The following ATP9A variants were observed in gnomAD, a reference collection of about 807,000 sequenced individuals.
The protein encoded by ATP9A is ATPase phospholipid transporting 9A, also known as probable phospholipid-transporting ATPase IIA.
Under a neutral mutation model 144.1 loss-of-function variants are expected in ATP9A, and 52 were observed. The ratio of observed to expected loss-of-function variants is 0.36; its 90% CI spans 0.29 to 0.45. ATP9A has a LOEUF of 0.45. Among genes scored for constraint, ATP9A ranks in the 20% least tolerant of loss-of-function variants. The probability of loss-of-function intolerance (pLI) is 1.00; values close to 1 mark genes in which losing one functional copy is unlikely to be tolerated. For missense variants in ATP9A, 947 were observed against 1,392.7 expected, an observed-to-expected ratio of 0.68 and a Z score of 5.09; for synonymous variants, 582 against 557.4, an observed-to-expected ratio of 1.04 and a Z score of -0.62.
chr20:51,612,558 G>A (rs1266328220), intron 23 of ATP9A, among the ~76,000 whole-genome samples: 1 of 152,146 alleles, frequency 6.6e-6, no homozygotes, highest in Admixed American at 6.5e-5. Flanking sequence ...CCAAGTAGCT[G>A]GGATTATAGG....
intron 1 of ATP9A, among the ~76,000 whole-genome samples, chr20:51,752,112 A>G (rs2077835098): frequency 2.6e-5 from 4 of 152,180 alleles, no homozygotes; most frequent in Admixed American, 2.6e-4. Context: ...TGGCTCCTAC[A>G]GAGTGAATGG....
chr20:51,763,976 T>G (rs985555268), intron 1 of ATP9A, among the ~76,000 whole-genome samples: 31 of 152,176 alleles, frequency 2.0e-4, no homozygotes, highest in African/African-American at 7.5e-4. Context: ...TCTAAATTTC[T>G]CATAAAAGGC....
At chr20:51,679,386 A>G (rs2077490807) in intron 9 of ATP9A, among the ~76,000 whole-genome samples, 1 of 152,188 alleles carries the variant, frequency 6.6e-6, no homozygotes, top group African/African-American at 2.4e-5. Flanking sequence ...AGATCTGATG[A>G]CACTGAGTCC....
intron 1 of ATP9A, among the ~76,000 whole-genome samples, chr20:51,744,307 A>G (rs1020854284): frequency 5.9e-5 from 9 of 152,100 alleles, no homozygotes; most frequent in Admixed American, 5.9e-4. Context: ...CTGGGACTAC[A>G]GGCCTGCACC....
At chr20:51,677,100 AT>A (rs929268275) in intron 9 of ATP9A, among the ~76,000 whole-genome samples, 2 of 150,376 alleles carry the variant, frequency 1.3e-5, no homozygotes, top group African/African-American at 4.9e-5. Flanking sequence ...TGCTTGGCTA[AT>A]TTTTGTTTTT....
chr20:51,753,044 G>A (rs931760029), intron 1 of ATP9A, among the ~76,000 whole-genome samples: 1 of 151,930 alleles, frequency 6.6e-6, no homozygotes, highest in South Asian at 2.1e-4. Context: ...AGAAGTTGCA[G>A]TGAGCCAGGA....
chr20:51,677,040 C>A (rs777909170), intron 9 of ATP9A, among the ~76,000 whole-genome samples: 1 of 150,222 alleles, frequency 6.7e-6, no homozygotes, highest in African/African-American at 2.5e-5. Context: ...CTCAAGCGAT[C>A]CTCCCACTTC....
At chr20:51,674,748 G>A (rs182104591) in intron 10 of ATP9A, among the ~76,000 whole-genome samples, 4 of 152,202 alleles carry the variant, frequency 2.6e-5, no homozygotes, top group East Asian at 1.9e-4. Context: ...ACACCAACTC[G>A]GCAGTGCCTG....
At chr20:51,622,312 A>C in intron 18 of ATP9A, 140 bp from the exon 19 acceptor site, 1 of 663,224 alleles carries the variant, frequency 1.5e-6, no homozygotes, top group Non-Finnish European at 2.6e-6. Context: ...TGTCCCCAAC[A>C]CAACACAGCA....
At chr20:51,647,169 T>C (rs2077345485) in intron 14 of ATP9A, among the ~76,000 whole-genome samples, 1 of 152,010 alleles carries the variant, frequency 6.6e-6, no homozygotes, top group South Asian at 2.1e-4. Flanking sequence ...GTACTTGAAA[T>C]TGAACTTCCT....
intron 7 of ATP9A, among the ~76,000 whole-genome samples, chr20:51,692,144 G>A (rs540539970): frequency 2.6e-4 from 40 of 152,324 alleles, no homozygotes; most frequent in African/African-American, 8.7e-4. Flanking sequence ...AGTTTTGAAA[G>A]ATGAAAAAAG....
chr20:51,754,182 G>A (rs1159440985), intron 1 of ATP9A, among the ~76,000 whole-genome samples: 2 of 152,074 alleles, frequency 1.3e-5, no homozygotes, highest in Non-Finnish European at 2.9e-5. Flanking sequence ...TAACCTATAT[G>A]TCTAAAACTC....
Position 51,601,116 on chromosome 20 carries a change from G to A in ATP9A, c.*95C>T. On this transcript the variant is annotated 3_prime_UTR_variant, in exon 28 of 28. Coordinates refer to ENST00000338821, the MANE Select transcript of ATP9A (RefSeq NM_006045.3). ...AAAACTGCATGTGTTAGCAATTACT[G>A]CAAAATCCACAGGTGGCGGTTAATA... 7.0e-7 allele frequency: 1 copy of A among 1,430,700 alleles called. No homozygotes were observed. 88.6% of individuals were successfully genotyped at this position (1,430,700 alleles called of 1,614,324 possible).
intron 14 of ATP9A, among the ~76,000 whole-genome samples, chr20:51,641,691 C>T (rs1422984574): frequency 6.8e-6 from 1 of 147,554 alleles, no homozygotes; most frequent in Non-Finnish European, 1.5e-5. Flanking sequence ...ATAAGCTGGG[C>T]GTGGTGGCAG....
At chr20:51,761,894 T>C (rs1448999534) in intron 1 of ATP9A, among the ~76,000 whole-genome samples, 1 of 152,030 alleles carries the variant, frequency 6.6e-6, no homozygotes, top group Non-Finnish European at 1.5e-5. Context: ...CCGTGTTCCT[T>C]CTGGAGGCTC....
intron 26 of ATP9A, among the ~76,000 whole-genome samples, chr20:51,606,043 G>A (rs1255234555): frequency 2.0e-5 from 3 of 152,216 alleles, no homozygotes; most frequent in Admixed American, 6.5e-5. Flanking sequence ...GCCAAGGTGG[G>A]CGGATCACAA....
chr20:51,740,511 AC>A, intron 1 of ATP9A, among the ~76,000 whole-genome samples: 1 of 108 alleles, frequency 9.3e-3, no homozygotes. Context: ...GGAGTTCAAG[AC>A]CAGCCTGACC....
At chr20:51,745,304 G>T (rs917080695) in intron 1 of ATP9A, among the ~76,000 whole-genome samples, 1 of 151,378 alleles carries the variant, frequency 6.6e-6, no homozygotes, top group Non-Finnish European at 1.5e-5. Context: ...GCATGGTGGC[G>T]GGTGCCTGTA....
intron 9 of ATP9A, among the ~76,000 whole-genome samples, chr20:51,676,954 G>T (rs1159965220): frequency 2.5e-5 from 3 of 121,020 alleles, no homozygotes; most frequent in Non-Finnish European, 5.0e-5. Flanking sequence ...TTGAGAGAGG[G>T]TCTTACTCTG....
Sources: allele counts gnomAD v4.1 joint callset (sites outside exome capture counted in the v4.1 genomes callset), GRCh38; gene constraint gnomAD v4.1.1; transcripts MANE v1.5; gene names NCBI Gene and HGNC (gene_info 2026-07-23, HGNC 2026-07-21).